The following MAP3K5 variants were observed in gnomAD, a reference collection of about 807,000 sequenced individuals.
MAP3K5 encodes the protein mitogen-activated protein kinase kinase kinase 5, also known as ASK-1.
A neutral mutation model predicts 158.7 loss-of-function variants in MAP3K5; 56 were observed. The observed-to-expected ratio is 0.35, with a 90% CI of 0.28 to 0.44. The LOEUF (loss-of-function observed/expected upper bound fraction) is 0.44. Among genes scored for constraint, MAP3K5 ranks in the 20% least tolerant of loss-of-function variants. The pLI is 1.00. For missense variants in MAP3K5, 1,294 were observed against 1,674.8 expected (o/e 0.77, Z 3.97); for synonymous variants, 579 against 601.7 (o/e 0.96, Z 0.55).
At chr6:136,573,453 A>C (rs1774460708) in intron 25 of MAP3K5, among the ~76,000 whole-genome samples, 1 of 152,208 alleles carries the variant, frequency 6.6e-6, no homozygotes, top group Non-Finnish European at 1.5e-5. Context: ...CCCATTATAA[A>C]TCTTCTCTTA....
chr6:136,567,498 T>C, intron 26 of MAP3K5, 133 bp downstream of exon 26: 1 of 932,958 alleles, frequency 1.1e-6, no homozygotes. Flanking sequence ...AAACTTCTCT[T>C]GTTTTATAAA....
chr6:136,665,417 G>T (rs945518630), intron 8 of MAP3K5, among the ~76,000 whole-genome samples: 2 of 151,290 alleles, frequency 1.3e-5, no homozygotes, highest in African/African-American at 4.9e-5. Context: ...CACAATCTTG[G>T]CTCATTGCAA....
chr6:136,633,102 G>C (rs1483053117), intron 14 of MAP3K5, among the ~76,000 whole-genome samples: 1 of 152,074 alleles, frequency 6.6e-6, no homozygotes, highest in African/African-American at 2.4e-5. Context: ...AGACATTAAA[G>C]ATCCTCTTGC....
At chr6:136,637,171 T>C in intron 14 of MAP3K5, 154 bp downstream of exon 14, 1 of 1,339,018 alleles carries the variant, frequency 7.5e-7, no homozygotes, top group South Asian at 1.6e-5. Context: ...TAGCCCCTTT[T>C]TACCAAAGGA....
intron 13 of MAP3K5, among the ~76,000 whole-genome samples, chr6:136,637,612 T>G (rs1765407007): frequency 6.6e-6 from 1 of 152,058 alleles, no homozygotes; most frequent in Admixed American, 6.6e-5. Context: ...ATTTCTAACC[T>G]AATGCCTCAC....
intron 13 of MAP3K5, 62 bp from the exon 14 acceptor site, chr6:136,637,468 C>T: frequency 1.0e-6 from 1 of 989,422 alleles, no homozygotes; most frequent in East Asian, 2.4e-5. Flanking sequence ...TAAGCAAGTA[C>T]ATCTCAAAGT....
intron 14 of MAP3K5, chr6:136,636,946 T>C (rs1481540845): frequency 4.9e-6 from 5 of 1,027,142 alleles, no homozygotes; most frequent in Admixed American, 5.3e-5. Flanking sequence ...CTGTGTAGCA[T>C]ATTAATGCCT....
chr6:136,631,519 C>CA (rs1554288954), intron 14 of MAP3K5, among the ~76,000 whole-genome samples: 4 of 139,072 alleles, frequency 2.9e-5, no homozygotes, highest in Admixed American at 7.2e-5. Flanking sequence ...TTTTTTTTTT[C>CA]TTTTTTTTTT....
At chr6:136,782,385 T>A (rs977974227) in intron 1 of MAP3K5, among the ~76,000 whole-genome samples, 1 of 152,124 alleles carries the variant, frequency 6.6e-6, no homozygotes, top group Non-Finnish European at 1.5e-5. Flanking sequence ...CTTGGTTTTA[T>A]ATGGCTTGGG....
In MAP3K5 at chr6:136,756,883, T is replaced by C. The variant is rs572748874; in HGVS notation, c.448+34827A>G. 2.0e-5 allele frequency among the ~76,000 whole-genome samples: 3 copies of C among 152,312 alleles called. No homozygotes were observed. In the East Asian group the frequency reaches 5.8e-4, roughly 29 times the overall value. ...GGTCTCCTTTTCCTCTTCCATCTCA[T>C]TAGGAAGACTGACCCCAAGACTCCA... On this transcript the variant is annotated intron_variant, in intron 1 of 29. Transcript: ENST00000359015.
intron 25 of MAP3K5, among the ~76,000 whole-genome samples, chr6:136,569,487 C>T (rs1774270238): frequency 6.6e-6 from 1 of 152,236 alleles, no homozygotes; most frequent in Non-Finnish European, 1.5e-5. Flanking sequence ...TTCAACTCTT[C>T]AGTCAAAGCT....
chr6:136,578,072 A>G (rs968975077), intron 25 of MAP3K5, among the ~76,000 whole-genome samples: 1 of 152,024 alleles, frequency 6.6e-6, no homozygotes, highest in African/African-American at 2.4e-5. Flanking sequence ...CATGGCCCAT[A>G]CCTCTCCCTT....
In MAP3K5 at chr6:136,651,018, G is replaced by A; in HGVS notation, c.1754C>T (p.Thr585Ile). ...AGGAAGCACGTGCCAAATAGAGATT[G>A]TCTTTTCCTCAACTTCATTGTTGAT... Reference protein sequence around the residue: ...LSINNEVEEKTISIWHVLPDD... With the variant: ...LSINNEVEEKIISIWHVLPDD... The change falls in exon 11 of 30, where the codon ACA (threonine) becomes ATA (isoleucine). Residue 585 changes from threonine to isoleucine, a missense_variant. Around this residue, in one of 5 missense-constraint regions of MAP3K5, gnomAD observed 690 missense variants for 870.5 expected, o/e 0.79. Coordinates refer to ENST00000359015, the MANE Select transcript of MAP3K5 (RefSeq NM_005923.4). 6.2e-7 allele frequency: 1 copy of A among 1,611,966 alleles called. No homozygotes were observed. The highest frequency in any genetic ancestry group is 8.5e-7 in the Non-Finnish European group (1 of 1,178,722).
At chr6:136,649,008 C>T (rs547187010) in intron 11 of MAP3K5, among the ~76,000 whole-genome samples, 2 of 152,174 alleles carry the variant, frequency 1.3e-5, no homozygotes, top group Non-Finnish European at 2.9e-5. Context: ...CTTGCTCTGT[C>T]GCCCAGGCTG....
intron 1 of MAP3K5, among the ~76,000 whole-genome samples, chr6:136,777,798 C>A (rs1784456610): frequency 1.1e-5 from 1 of 94,954 alleles, no homozygotes; most frequent in South Asian, 3.2e-4. Flanking sequence ...ATTTTCTATT[C>A]TTATTCTGGC....
intron 14 of MAP3K5, among the ~76,000 whole-genome samples, chr6:136,632,024 T>C (rs574226362): frequency 1.3e-5 from 2 of 152,178 alleles, no homozygotes; most frequent in South Asian, 4.2e-4. Context: ...TCTGAAAAAT[T>C]AAGGCTTTGG....
At chr6:136,594,160 T>A (rs1298289724) in intron 21 of MAP3K5, among the ~76,000 whole-genome samples, 1 of 152,242 alleles carries the variant, frequency 6.6e-6, no homozygotes, top group East Asian at 1.9e-4. Context: ...AAATGATATA[T>A]GGCAGGGGAA....
At chr6:136,684,128 G>A (rs1038237028) in intron 7 of MAP3K5, among the ~76,000 whole-genome samples, 1 of 152,052 alleles carries the variant, frequency 6.6e-6, no homozygotes. Context: ...CTACTTGGGA[G>A]GCTGAAGTGG....
At chr6:136,658,465 C>A (rs113162910) in intron 9 of MAP3K5, among the ~76,000 whole-genome samples, 1 of 151,706 alleles carries the variant, frequency 6.6e-6, no homozygotes, top group Non-Finnish European at 1.5e-5. Flanking sequence ...CAGGCACCCG[C>A]GATCATGCCC....
Sources: allele counts gnomAD v4.1 joint callset (sites outside exome capture counted in the v4.1 genomes callset), GRCh38; gene constraint gnomAD v4.1.1; regional missense constraint gnomAD v4.1.1; transcripts MANE v1.5; gene names NCBI Gene and HGNC (gene_info 2026-07-23, HGNC 2026-07-21).